RNF111: variants seen among roughly 807,000 people sequenced by gnomAD.
RNF111 encodes ring finger protein 111.
In RNF111, 17 loss-of-function variants were observed where a neutral mutation model predicts 95.1. That is an observed-to-expected ratio of 0.18 (90% confidence interval 0.12 to 0.27). The LOEUF (loss-of-function observed/expected upper bound fraction) is 0.27. Among genes scored for constraint, RNF111 ranks in the 10% least tolerant of loss-of-function variants. The pLI is 1.00. For missense variants in RNF111, 1,189 were observed against 1,210.4 expected (o/e 0.98, Z 0.26); for synonymous variants, 440 against 414.8 (o/e 1.06, Z -0.74).
intron 1 of RNF111, among the ~76,000 whole-genome samples, chr15:59,004,460 A>G (rs2039452929): frequency 6.6e-6 from 1 of 152,208 alleles, no homozygotes; most frequent in Non-Finnish European, 1.5e-5. Flanking sequence ...GTAGCACCTT[A>G]CTATCTTTTT....
At chr15:59,005,971 T>C (rs1029870970) in intron 1 of RNF111, among the ~76,000 whole-genome samples, 23 of 152,204 alleles carry the variant, frequency 1.5e-4, no homozygotes, top group African/African-American at 5.5e-4. Flanking sequence ...TCAATGCATT[T>C]TGAGTTGCCT....
chr15:59,091,042 A>G lies in RNF111; in HGVS notation c.2644-17A>G, dbSNP rs1407652760. The G allele has an allele frequency of 2.7e-5, 40 of 1,507,756 alleles. No individual in the cohort carries two copies. The East Asian group carries it at 8.2e-4, about 31-fold the overall frequency. The allele number at this position is 1,507,756 out of a possible 1,614,324, so 93.4% of individuals were successfully genotyped here. On this transcript the variant is annotated splice_polypyrimidine_tract_variant and intron_variant, in intron 11 of 13. Transcript: ENST00000348370. ...ATCATCTTGGCTTTTACCAGTCATT[A>G]TATTCTTCACTTTCAGGAACTGATT...
chr15:58,989,747 A>G (rs2038728174), intron 1 of RNF111, among the ~76,000 whole-genome samples: 1 of 152,194 alleles, frequency 6.6e-6, no homozygotes, highest in African/African-American at 2.4e-5. Context: ...TTTAAGAGAA[A>G]AGCACCTTGC....
At chr15:59,080,076 G>T (rs533603375) in intron 7 of RNF111, among the ~76,000 whole-genome samples, 7 of 149,458 alleles carry the variant, frequency 4.7e-5, no homozygotes, top group Non-Finnish European at 3.0e-5. Flanking sequence ...TAAAAATTTA[G>T]TGGTAATGTG....
intron 7 of RNF111, among the ~76,000 whole-genome samples, chr15:59,078,716 G>A (rs1350444535): frequency 1.3e-5 from 2 of 151,996 alleles, no homozygotes; most frequent in Non-Finnish European, 2.9e-5. Flanking sequence ...AAAACTAGCC[G>A]GGTGTGGTGG....
intron 12 of RNF111, among the ~76,000 whole-genome samples, chr15:59,091,918 G>A (rs1173586702): frequency 5.3e-5 from 8 of 152,090 alleles, no homozygotes; most frequent in East Asian, 3.9e-4. Context: ...AGAATCTATC[G>A]CTGCTGCTGA....
chr15:59,068,210 A>G (rs1460125052), intron 6 of RNF111, among the ~76,000 whole-genome samples: 3 of 152,044 alleles, frequency 2.0e-5, no homozygotes, highest in Non-Finnish European at 2.9e-5. Flanking sequence ...ACAGAGTGAG[A>G]TGCTGTCTCA....
intron 1 of RNF111, 189 bp downstream of exon 1, chr15:58,988,257 A>G (rs2141325961): frequency 6.6e-6 from 1 of 152,346 alleles, no homozygotes; most frequent in African/African-American, 2.4e-5. Flanking sequence ...GTGTTTGGGC[A>G]AGGCATTCGT....
intron 2 of RNF111, 68 bp from the exon 3 acceptor site, chr15:59,052,237 T>C: frequency 1.8e-5 from 24 of 1,370,094 alleles, no homozygotes; most frequent in Non-Finnish European, 2.3e-5. Flanking sequence ...AAAGTCAAAA[T>C]AAAAATTTCT....
intron 6 of RNF111, among the ~76,000 whole-genome samples, chr15:59,072,948 G>A (rs1006885232): frequency 2.0e-5 from 3 of 151,500 alleles, no homozygotes; most frequent in Admixed American, 6.6e-5. Flanking sequence ...AACACTTTGT[G>A]GGGCTGAGGT....
chr15:59,043,006 A>T (rs1452412294), intron 2 of RNF111, among the ~76,000 whole-genome samples: 1 of 152,110 alleles, frequency 6.6e-6, no homozygotes, highest in Admixed American at 6.6e-5. Flanking sequence ...TGTATTCCAG[A>T]ATATGGGATG....
chr15:59,030,704 C>T, intron 1 of RNF111, 100 bp from the exon 2 acceptor site: 2 of 790,524 alleles, frequency 2.5e-6, no homozygotes, highest in South Asian at 4.8e-5. Flanking sequence ...ACAGTTCTGC[C>T]TTTATAAGGG....
chr15:59,084,092 T>C, intron 8 of RNF111, 37 bp from the exon 9 acceptor site: 1 of 1,538,890 alleles, frequency 6.5e-7, no homozygotes, highest in Non-Finnish European at 8.8e-7. Context: ...AATTATTCAA[T>C]TATTTCCAGT....
At position 59,097,057 on chromosome 15, in the gene RNF111, C is replaced by G. The variant is rs1448692321; in HGVS notation, c.*2157C>G. ...TAATAAAAGTATTTGTGACATAAAC[C>G]TGAATTGTTAATATAGGAGCTTATT... On this transcript the variant is annotated 3_prime_UTR_variant, in exon 14 of 14. Coordinates refer to ENST00000348370, the MANE Select transcript of RNF111 (RefSeq NM_017610.8). The G allele has an allele frequency of 6.6e-6, 1 of 152,118 alleles. No homozygotes were observed. Among genetic ancestry groups the G allele is most frequent in the Non-Finnish European group, 1.5e-5 (1 of 68,030 alleles). 9.4% of individuals were successfully genotyped at this position (152,118 alleles called of 1,614,324 possible).
At chr15:59,041,844 C>A (rs1389086027) in intron 2 of RNF111, among the ~76,000 whole-genome samples, 5 of 151,664 alleles carry the variant, frequency 3.3e-5, no homozygotes, top group Non-Finnish European at 7.4e-5. Flanking sequence ...AATAGTATGT[C>A]AGTACATTTT....
intron 1 of RNF111, among the ~76,000 whole-genome samples, chr15:58,997,401 A>G (rs1290668121): frequency 6.6e-6 from 1 of 152,130 alleles, no homozygotes; most frequent in African/African-American, 2.4e-5. Context: ...TGACATTTGC[A>G]CTGATGGTGC....
intron 2 of RNF111, 43 bp from the exon 3 acceptor site, chr15:59,052,262 T>G (rs1338507117): frequency 1.3e-6 from 2 of 1,482,812 alleles, no homozygotes; most frequent in African/African-American, 1.4e-5. Flanking sequence ...AACGATTAGC[T>G]GACAGGAAGA....
intron 9 of RNF111, among the ~76,000 whole-genome samples, chr15:59,085,090 G>T (rs755550606): frequency 1.3e-5 from 2 of 152,190 alleles, no homozygotes; most frequent in Non-Finnish European, 2.9e-5. Flanking sequence ...AATCCATTGT[G>T]TGTGGGCATT....
At position 58,987,678 on chromosome 15, in the gene RNF111, T is replaced by C; in HGVS notation, c.-410T>C. On this transcript the variant is annotated 5_prime_UTR_variant, in exon 1 of 14. Transcript: ENST00000348370. The stretch of plus-strand genomic sequence containing the variant: ...AAAGAGCCCTAGTGTCGTGCTCTCC[T>C]CGGTAGGGGAGGAATTGGTTAGGCG... The C allele has an allele frequency of 5.9e-6, 1 of 169,494 alleles. No homozygotes were observed. The highest frequency in any genetic ancestry group is 1.2e-5 in the Non-Finnish European group (1 of 80,432). The allele number at this position is 169,494 out of a possible 1,614,324, so 10.5% of individuals were successfully genotyped here. A position where few individuals can be genotyped will look rare whatever the true frequency, so the allele number is the denominator to read the frequency against.
Sources: allele counts gnomAD v4.1 joint callset (sites outside exome capture counted in the v4.1 genomes callset), GRCh38; gene constraint gnomAD v4.1.1; transcripts MANE v1.5; gene names NCBI Gene and HGNC (gene_info 2026-07-23, HGNC 2026-07-21).